RIOK1: variants seen among roughly 807,000 people sequenced by gnomAD.
RIOK1 encodes serine/threonine-protein kinase RIO1.
Under a neutral mutation model 73.5 loss-of-function variants are expected in RIOK1, and 66 were observed. The ratio of observed to expected loss-of-function variants is 0.90; its 90% CI spans 0.74 to 1.10. The LOEUF is 1.10. Ranked by LOEUF, RIOK1 falls within the 50% of genes least tolerant of loss-of-function variation. The probability of loss-of-function intolerance (pLI) is 0.00; values close to 1 mark genes in which losing one functional copy is unlikely to be tolerated. For missense variants in RIOK1, 658 were observed against 699.8 expected, an observed-to-expected ratio of 0.94 and a Z score of 0.67; for synonymous variants, 224 against 226.8, an observed-to-expected ratio of 0.99 and a Z score of 0.11.
intron 8 of RIOK1, 24 bp downstream of exon 8, chr6:7,402,921 G>A: frequency 1.9e-6 from 3 of 1,606,320 alleles, no homozygotes; most frequent in African/African-American, 1.3e-5. Flanking sequence ...ATGTGTGTAT[G>A]TCTGTCCTAT....
At chr6:7,406,952 A>C (rs558448435) in intron 12 of RIOK1, among the ~76,000 whole-genome samples, 104 of 152,334 alleles carry the variant, frequency 6.8e-4, no homozygotes, top group Non-Finnish European at 1.1e-3. Context: ...ATGAGTCACC[A>C]CGCCTGGCCT....
intron 12 of RIOK1, among the ~76,000 whole-genome samples, chr6:7,410,004 CG>C (rs1561880715): frequency 5.3e-5 from 8 of 152,168 alleles, no homozygotes; most frequent in Non-Finnish European, 1.0e-4. Context: ...CAATTCCCTT[CG>C]CCGACTGCTC....
intron 6 of RIOK1, among the ~76,000 whole-genome samples, chr6:7,401,689 C>CTTT (rs35177259): frequency 2.2e-4 from 24 of 109,252 alleles, no homozygotes; most frequent in African/African-American, 6.2e-4. Flanking sequence ...TAAACAGAGT[C>CTTT]TTTTTTTTTT....
At chr6:7,411,687 C>A (rs1469517813) in intron 14 of RIOK1, 2 of 431,000 alleles carry the variant, frequency 4.6e-6, no homozygotes, top group African/African-American at 4.0e-5. Flanking sequence ...ATTGTAGAAA[C>A]AAGATTCAGA....
intron 13 of RIOK1, 51 bp downstream of exon 13, chr6:7,410,502 G>T (rs771601214): frequency 3.9e-5 from 39 of 1,002,916 alleles, no homozygotes; most frequent in African/African-American, 8.4e-5. Flanking sequence ...TGTTTTGAGG[G>T]TTTTTTTTTT....
At chr6:7,411,567 T>G in intron 14 of RIOK1, 116 bp downstream of exon 14, 1 of 1,064,202 alleles carries the variant, frequency 9.4e-7, no homozygotes, top group Non-Finnish European at 1.4e-6. Context: ...TCTGAGCTAG[T>G]GAAATGACTA....
Position 7,405,194 on chromosome 6 carries a change from GAAT to G in RIOK1, c.1097-47_1097-45del. 4 of 1,211,296 alleles carry G rather than the reference GAAT, an allele frequency of 3.3e-6. No individual in the cohort carries two copies. In the South Asian group the frequency reaches 3.8e-5, roughly 11 times the overall value. The allele number at this position is 1,211,296 out of a possible 1,614,324, so 75.0% of individuals were successfully genotyped here. Reference sequence around the variant, plus strand: ...TCCTTGTTTCTCTATAAGGTAGTTGGAATAATAATATTTTTCCTCATAAAAGCT... The same window carrying G: ...TCCTTGTTTCTCTATAAGGTAGTTGGAATAATATTTTTCCTCATAAAAGCT... On this transcript the variant is annotated intron_variant, in intron 11 of 16. Transcript: ENST00000379834.
chr6:7,411,484 T>C, intron 14 of RIOK1, 33 bp downstream of exon 14: 1 of 1,612,408 alleles, frequency 6.2e-7, no homozygotes, highest in Non-Finnish European at 8.5e-7. Context: ...AGCAAGCAGC[T>C]CTTCAAAAGT....
At chr6:7,406,007 T>G (rs1188993289) in intron 12 of RIOK1, among the ~76,000 whole-genome samples, 1 of 151,726 alleles carries the variant, frequency 6.6e-6, no homozygotes, top group Non-Finnish European at 1.5e-5. Context: ...TTCTTTTTTT[T>G]TCTTTTTTGA....
rs368885780 is a variant in RIOK1, at chr6:7,404,027, T to A, written c.854T>A (p.Met285Lys). ...ATGAGTTTCATCGGTAAAGATGACA[T>A]GTAAGTACATGGAAGGGCTAATAAT... Reference protein sequence around the residue: ...LVMSFIGKDDMPAPLLKNVQL... With the variant: ...LVMSFIGKDDKPAPLLKNVQL... The change falls in exon 9 of 17, where the codon ATG becomes AAG. Residue 285 changes from methionine (M) to lysine (K), a missense_variant and splice_region_variant. Physicochemically the swap from Met to Lys is moderately conservative, Grantham distance 95 (BLOSUM62 -1). Transcript: ENST00000379834. 1.3e-6 allele frequency: 2 copies of A among 1,590,852 alleles called. No homozygotes were observed. The highest frequency in any genetic ancestry group is 2.7e-5 in the African/African-American group (2 of 74,448).
In RIOK1 at chr6:7,404,955, C is replaced by A; in HGVS notation, c.1030C>A (p.Gln344Lys). 1 of 1,614,154 alleles carries A rather than the reference C, an allele frequency of 6.2e-7. No individual in the cohort carries two copies. The highest frequency in any genetic ancestry group is 8.5e-7 in the Non-Finnish European group (1 of 1,180,002). ...GGGVYIIDVS[Q>K]SVEHDHPHAL... Reference sequence around the variant, plus strand: ...AGGCGTGTATATCATTGACGTGTCTCAGTCCGTGGAGCACGACCACCCACA... The same window carrying A: ...AGGCGTGTATATCATTGACGTGTCTAAGTCCGTGGAGCACGACCACCCACA... The change falls in exon 11 of 17, where the codon CAG becomes AAG. Residue 344 changes from glutamine to lysine, a missense_variant. Transcript: ENST00000379834.
chr6:7,406,597 C>G (rs1761750932), intron 12 of RIOK1, among the ~76,000 whole-genome samples: 1 of 152,142 alleles, frequency 6.6e-6, no homozygotes, highest in Non-Finnish European at 1.5e-5. Flanking sequence ...CTTTTTGTGT[C>G]TGGCTTATTT....
chr6:7,401,853 A>G (rs1169705406), intron 6 of RIOK1, among the ~76,000 whole-genome samples: 1 of 151,642 alleles, frequency 6.6e-6, no homozygotes, highest in Non-Finnish European at 1.5e-5. Flanking sequence ...TAATTTTTGT[A>G]TTTGTAGTAG....
intron 5 of RIOK1, among the ~76,000 whole-genome samples, chr6:7,400,675 A>G (rs1245043302): frequency 2.0e-5 from 3 of 152,248 alleles, no homozygotes; most frequent in African/African-American, 7.2e-5. Context: ...TACTTCTATT[A>G]GCTAATAGCC....
chr6:7,401,071 T>C (rs1432178604), intron 6 of RIOK1, 21 bp downstream of exon 6: 2 of 1,460,724 alleles, frequency 1.4e-6, no homozygotes, highest in Non-Finnish European at 1.9e-6. Context: ...CTTTGGATGA[T>C]TGGATATTTA....
chr6:7,389,829 G>C lies in RIOK1; in HGVS notation c.-174G>C. ...TGAGGGGCTTCCGGTTGGGGTGGCA[G>C]GGTGGTGGATCTGTCGGTCCCGTTT... On this transcript the variant is annotated 5_prime_UTR_variant, in exon 1 of 17. Coordinates refer to ENST00000379834, the MANE Select transcript of RIOK1 (RefSeq NM_031480.3). 1.6e-6 allele frequency: 1 copy of C among 607,716 alleles called. No individual in the cohort carries two copies. Among genetic ancestry groups the C allele is most frequent in the South Asian group, 2.0e-5 (1 of 50,320 alleles). The allele number at this position is 607,716 out of a possible 1,614,324, so 37.6% of individuals were successfully genotyped here.
At chr6:7,397,018 C>A (rs1375585263) in intron 4 of RIOK1, among the ~76,000 whole-genome samples, 1 of 152,058 alleles carries the variant, frequency 6.6e-6, no homozygotes, top group Non-Finnish European at 1.5e-5. Flanking sequence ...AATCCCATCA[C>A]TTCAGAAGGC....
intron 4 of RIOK1, 119 bp downstream of exon 4, chr6:7,396,891 T>TA: frequency 2.3e-6 from 1 of 442,226 alleles, no homozygotes; most frequent in South Asian, 3.0e-5. Context: ...ATCATTATTT[T>TA]GGTGTGTGTG....
chr6:7,416,924 G>A (rs113851766), intron 16 of RIOK1, among the ~76,000 whole-genome samples: 3 of 152,130 alleles, frequency 2.0e-5, no homozygotes, highest in African/African-American at 7.2e-5. Context: ...ATTCTTCTAT[G>A]TGTGTATTTT....
Sources: allele counts gnomAD v4.1 joint callset (sites outside exome capture counted in the v4.1 genomes callset), GRCh38; gene constraint gnomAD v4.1.1; transcripts MANE v1.5; gene names NCBI Gene and HGNC (gene_info 2026-07-23, HGNC 2026-07-21).